The following NEK7 variants were observed in gnomAD, a reference collection of about 807,000 sequenced individuals.
The protein encoded by NEK7 is serine/threonine-protein kinase Nek7.
A neutral mutation model predicts 44.6 loss-of-function variants in NEK7; 18 were observed. The observed-to-expected ratio is 0.40, with a 90% CI of 0.28 to 0.60. The LOEUF (loss-of-function observed/expected upper bound fraction) is 0.60, where lower values mean the gene tolerates loss of function less well. Ranked by LOEUF, NEK7 falls within the 20% of genes least tolerant of loss-of-function variation. The pLI, the probability that NEK7 is intolerant of heterozygous loss-of-function variation, is 0.38. For missense variants in NEK7, 256 were observed against 366.5 expected (o/e 0.70, Z 2.46); for synonymous variants, 130 against 121.1 (o/e 1.07, Z -0.48).
intron 1 of NEK7, among the ~76,000 whole-genome samples, chr1:198,227,578 G>A (rs1244739461): frequency 2.6e-5 from 4 of 152,138 alleles, no homozygotes. Flanking sequence ...GTGTGAGATG[G>A]TATTTCATTG....
At chr1:198,267,917 CCT>C (rs1364497811) in intron 5 of NEK7, among the ~76,000 whole-genome samples, 1 of 152,002 alleles carries the variant, frequency 6.6e-6, no homozygotes, top group Non-Finnish European at 1.5e-5. Flanking sequence ...TCTTCAATGA[CCT>C]CTCTCATGAA....
chr1:198,183,565 A>G (rs1474805695), intron 1 of NEK7, among the ~76,000 whole-genome samples: 1 of 152,208 alleles, frequency 6.6e-6, no homozygotes, highest in African/African-American at 2.4e-5. Flanking sequence ...CTTATAGTAA[A>G]TAAACATTTT....
chr1:198,168,737 A>G (rs1463289436), intron 1 of NEK7, among the ~76,000 whole-genome samples: 1 of 152,000 alleles, frequency 6.6e-6, no homozygotes, highest in African/African-American at 2.4e-5. Flanking sequence ...TTATCAATCC[A>G]CAGACCAAAG....
At chr1:198,232,947 A>AC (rs772660620) in intron 2 of NEK7, among the ~76,000 whole-genome samples, 256 of 152,032 alleles carry the variant, frequency 1.7e-3, no homozygotes, top group Middle Eastern at 6.8e-3. Flanking sequence ...TGCCATTTTG[A>AC]TAGAAATATT....
At chr1:198,257,470 A>C (rs1424724581) in intron 3 of NEK7, among the ~76,000 whole-genome samples, 1 of 152,180 alleles carries the variant, frequency 6.6e-6, no homozygotes, top group African/African-American at 2.4e-5. Flanking sequence ...CACTTCCATA[A>C]TACATAGGCT....
At chr1:198,315,228 C>A (rs1655325902) in intron 9 of NEK7, among the ~76,000 whole-genome samples, 3 of 152,192 alleles carry the variant, frequency 2.0e-5, no homozygotes. Flanking sequence ...CTTTCTTTGA[C>A]TAGGTAAGGG....
chr1:198,157,509 G>A (rs1208749966), intron 1 of NEK7, among the ~76,000 whole-genome samples: 2 of 152,194 alleles, frequency 1.3e-5, no homozygotes, highest in African/African-American at 2.4e-5. Flanking sequence ...ACCTGGCCCC[G>A]GCTCTAGAGG....
intron 7 of NEK7, among the ~76,000 whole-genome samples, chr1:198,281,585 T>G (rs992624595): frequency 2.6e-5 from 4 of 152,082 alleles, no homozygotes; most frequent in African/African-American, 9.7e-5. Context: ...AAAGGAGGTA[T>G]TTTCAGGAAT....
intron 1 of NEK7, among the ~76,000 whole-genome samples, chr1:198,220,401 G>A (rs1315552935): frequency 6.6e-6 from 1 of 151,970 alleles, no homozygotes; most frequent in Non-Finnish European, 1.5e-5. Flanking sequence ...CACCAAGATT[G>A]GTATTAGGTT....
intron 5 of NEK7, among the ~76,000 whole-genome samples, chr1:198,266,886 A>T (rs1482898431): frequency 6.6e-6 from 1 of 152,016 alleles, no homozygotes; most frequent in Non-Finnish European, 1.5e-5. Context: ...CCCTTGCATC[A>T]TACAAATCTA....
Position 198,197,965 on chromosome 1 carries a change from G to T in NEK7, c.-28-34588G>T, listed in dbSNP as rs531437978. 9.1e-6 allele frequency: 14 copies of T among 1,539,358 alleles called. No homozygotes were observed. The African/African-American group carries it at 1.9e-4, about 21-fold the overall frequency. ...AGGGGCAGGTGGTGGGTATGGAGGAGGGTAGGGACCCGAGGATTGGCATCC... is the reference window on the plus strand; with the variant it reads ...AGGGGCAGGTGGTGGGTATGGAGGATGGTAGGGACCCGAGGATTGGCATCC... On this transcript the variant is annotated intron_variant, in intron 1 of 9. Transcript: ENST00000367385.
At chr1:198,168,771 G>T (rs1308525586) in intron 1 of NEK7, among the ~76,000 whole-genome samples, 1 of 152,094 alleles carries the variant, frequency 6.6e-6, no homozygotes, top group Non-Finnish European at 1.5e-5. Flanking sequence ...GGAGTTGTTG[G>T]TAGGTAGCTG....
At chr1:198,214,341 G>A (rs566807907) in intron 1 of NEK7, among the ~76,000 whole-genome samples, 3 of 152,198 alleles carry the variant, frequency 2.0e-5, no homozygotes, top group South Asian at 2.1e-4. Context: ...TGAGATGTTC[G>A]AAATACCAGG....
intron 7 of NEK7, among the ~76,000 whole-genome samples, chr1:198,287,749 ACT>A (rs1171974180): frequency 6.6e-6 from 1 of 151,914 alleles, no homozygotes; most frequent in African/African-American, 2.4e-5. Context: ...GCTAACTAAA[ACT>A]CTCTGATATT....
Position 198,291,110 on chromosome 1 carries a change from T to C in NEK7, c.590-1835T>C, listed in dbSNP as rs138539032. ...TTATCATCAATCTTTCACACTCATA[T>C]CAAACCCCTAATGTACAGCAGGTTT... On this transcript the variant is annotated intron_variant, in intron 7 of 9. Transcript: ENST00000367385. 3.0e-4 allele frequency among the ~76,000 whole-genome samples: 45 copies of C among 152,292 alleles called. 1 individual carries two copies. In the East Asian group the frequency reaches 7.5e-3, roughly 25 times the overall value.
In NEK7 at chr1:198,219,510, A is replaced by G. The variant is rs542157523; in HGVS notation, c.-28-13043A>G. Reference sequence around the variant, plus strand: ...TAATTGGGAGCTAAACTATGGGTACATAAAGGCATACAGTGTGAGTTAATG... The same window carrying G: ...TAATTGGGAGCTAAACTATGGGTACGTAAAGGCATACAGTGTGAGTTAATG... On this transcript the variant is annotated intron_variant, in intron 1 of 9. Coordinates refer to ENST00000367385, the MANE Select transcript of NEK7 (RefSeq NM_133494.3). Among the ~76,000 whole-genome samples the G allele has an allele frequency of 8.6e-5, 13 of 151,630 alleles. No homozygotes were observed. The South Asian group carries it at 2.5e-3, about 29-fold the overall frequency.
chr1:198,158,073 T>A (rs961043050), intron 1 of NEK7, among the ~76,000 whole-genome samples: 1 of 152,212 alleles, frequency 6.6e-6, no homozygotes, highest in Non-Finnish European at 1.5e-5. Context: ...TGTTACACTG[T>A]AGGCCTTCAC....
At chr1:198,262,502 T>C in intron 3 of NEK7, 73 bp from the exon 4 acceptor site, 3 of 929,406 alleles carry the variant, frequency 3.2e-6, no homozygotes, top group Non-Finnish European at 5.0e-6. Context: ...ATGTAGAGTA[T>C]TAAAATGAAT....
chr1:198,184,387 G>T (rs1008207203), intron 1 of NEK7, among the ~76,000 whole-genome samples: 1 of 152,014 alleles, frequency 6.6e-6, no homozygotes, highest in African/African-American at 2.4e-5. Context: ...ACTTCCTGTC[G>T]ATCTGTTTGA....
Sources: gnomAD v4.1 joint callset for allele counts (sites outside exome capture counted in the v4.1 genomes callset) on GRCh38, gnomAD v4.1.1 for gene constraint, MANE v1.5 for transcripts, NCBI Gene and HGNC (gene_info 2026-07-23, HGNC 2026-07-21) for gene names.